KLF8: variants seen among roughly 807,000 people sequenced by gnomAD.
KLF8 encodes Krueppel-like factor 8.
A neutral mutation model predicts 18.2 loss-of-function variants in KLF8; 10 were observed. The observed-to-expected ratio is 0.55, with a 90% confidence interval of 0.34 to 0.93. The LOEUF is 0.93. KLF8 is among the 40% of genes least tolerant of loss of function. KLF8 has a pLI of 0.02. For synonymous variants in KLF8, 109 were observed against 97.3 expected, an observed-to-expected ratio of 1.12 and a Z score of -0.71; for missense variants, 264 against 277.9, an observed-to-expected ratio of 0.95 and a Z score of 0.36.
At chrX:56,183,370 C>T in the KLF8 span, among the ~76,000 whole-genome samples, 35 of 112,073 alleles carry the variant, frequency 3.1e-4, no homozygotes, top group East Asian at 2.8e-3. Context: ...CTGTCTATCG[C>T]GGCTCCCCTT....
chrX:56,152,880 C>T, the KLF8 span, among the ~76,000 whole-genome samples: 2 of 112,040 alleles, frequency 1.8e-5, no homozygotes, highest in Non-Finnish European at 3.8e-5. Flanking sequence ...CACACAGGAA[C>T]AAGCCCAGAC....
intron 1 of KLF8, chrX:56,243,000 T>TG (rs2066567808): frequency 4.0e-6 from 2 of 494,741 alleles, no homozygotes. Flanking sequence ...GTCGAACGTA[T>TG]GCCTTCTTCT....
chrX:56,050,816 G>A, the KLF8 span, among the ~76,000 whole-genome samples: 5 of 109,969 alleles, frequency 4.5e-5, no homozygotes, highest in South Asian at 3.9e-4. Context: ...CAATTCCTGG[G>A]TATCCTTGTT....
intron 1 of KLF8, chrX:56,243,248 C>T (rs758807485): frequency 6.6e-5 from 29 of 441,260 alleles, no homozygotes; most frequent in South Asian, 5.1e-4. Flanking sequence ...CCTACAGAGT[C>T]GCAGTGACTT....
At chrX:56,192,149 C>A in the KLF8 span, among the ~76,000 whole-genome samples, 1 of 111,339 alleles carries the variant, frequency 9.0e-6, no homozygotes, top group African/African-American at 3.3e-5. Context: ...AGTGAACATG[C>A]AAAAATCAGT....
the KLF8 span, among the ~76,000 whole-genome samples, chrX:56,160,986 G>C: frequency 1.1e-3 from 118 of 111,265 alleles, no homozygotes; most frequent in Middle Eastern, 9.3e-3. Flanking sequence ...TCCTAGCCTC[G>C]ATGGTCTTTA....
the KLF8 span, among the ~76,000 whole-genome samples, chrX:56,186,093 G>C: frequency 2.7e-5 from 3 of 112,111 alleles, no homozygotes; most frequent in South Asian, 1.1e-3. Flanking sequence ...ATTGGAAAAA[G>C]AGTCAAGACC....
the KLF8 span, among the ~76,000 whole-genome samples, chrX:56,157,968 C>T: frequency 1.8e-5 from 2 of 111,963 alleles, no homozygotes; most frequent in Middle Eastern, 4.6e-3. Context: ...CCTTCCCATG[C>T]CTATGTCCTG....
chrX:56,101,702 G>A, the KLF8 span, among the ~76,000 whole-genome samples: 1 of 112,079 alleles, frequency 8.9e-6, no homozygotes, highest in African/African-American at 3.2e-5. Context: ...GAAGACTAGT[G>A]ATGGAGAACA....
the KLF8 span, among the ~76,000 whole-genome samples, chrX:56,131,944 T>A: frequency 6.7e-3 from 747 of 111,855 alleles, 7 homozygotes; most frequent in African/African-American, 0.023. Context: ...AATATCGCAA[T>A]CCTAAATATA....
chrX:55,938,583 T>C, the KLF8 span, among the ~76,000 whole-genome samples: 6 of 110,961 alleles, frequency 5.4e-5, no homozygotes, highest in East Asian at 1.4e-3. Flanking sequence ...GACTGGCAAA[T>C]TGGATAAAGA....
At chrX:55,959,896 A>G in the KLF8 span, among the ~76,000 whole-genome samples, 3 of 110,930 alleles carry the variant, frequency 2.7e-5, no homozygotes, top group East Asian at 2.8e-4. Context: ...AAAAAAAAAA[A>G]CTTTGCAAAT....
At chrX:56,002,110 C>A in the KLF8 span, among the ~76,000 whole-genome samples, 1 of 111,540 alleles carries the variant, frequency 9.0e-6, no homozygotes, top group African/African-American at 3.3e-5. Flanking sequence ...TCTTACCCTC[C>A]AACTTCATCT....
chrX:56,126,491 T>G, the KLF8 span, among the ~76,000 whole-genome samples: 2 of 111,456 alleles, frequency 1.8e-5, no homozygotes, highest in Non-Finnish European at 3.8e-5. Flanking sequence ...TTAGATCAGA[T>G]CACACCTCCA....
chrX:56,028,033 G>A, the KLF8 span, among the ~76,000 whole-genome samples: 1 of 112,111 alleles, frequency 8.9e-6, no homozygotes, highest in Non-Finnish European at 1.9e-5. Flanking sequence ...AGACATGGAG[G>A]CCAGCCTTTT....
chrX:55,925,418 A>G, the KLF8 span, among the ~76,000 whole-genome samples: 1 of 110,273 alleles, frequency 9.1e-6, no homozygotes, highest in Non-Finnish European at 1.9e-5. Context: ...ACACACACGC[A>G]CACACACACT....
the KLF8 span, among the ~76,000 whole-genome samples, chrX:55,953,101 AGTT>A: frequency 9.0e-6 from 1 of 111,549 alleles, no homozygotes; most frequent in African/African-American, 3.3e-5. Flanking sequence ...TAGATAAGGT[AGTT>A]GTTCGAGTGT....
At chrX:55,948,217 C>T in the KLF8 span, among the ~76,000 whole-genome samples, 16 of 112,394 alleles carry the variant, frequency 1.4e-4, no homozygotes, top group South Asian at 5.9e-3. Context: ...GAAGACAAGT[C>T]AGCAAAGTTT....
At chrX:55,931,036 G>A in the KLF8 span, among the ~76,000 whole-genome samples, 1 of 111,818 alleles carries the variant, frequency 8.9e-6, no homozygotes, top group African/African-American at 3.3e-5. Flanking sequence ...TGGTTGGTAG[G>A]CTATTAATTA....
Sources: gnomAD v4.1 joint callset for allele counts (sites outside exome capture counted in the v4.1 genomes callset) on GRCh38, gnomAD v4.1.1 for gene constraint, MANE v1.5 for transcripts, NCBI Gene and HGNC (gene_info 2026-07-23, HGNC 2026-07-21) for gene names.